The following PIKFYVE variants were observed in gnomAD, a reference collection of about 807,000 sequenced individuals.
PIKFYVE encodes 1-phosphatidylinositol 3-phosphate 5-kinase.
PIKFYVE carries 122 observed loss-of-function variants against 257.9 expected under a neutral mutation model. The ratio of observed to expected loss-of-function variants is 0.47; its 90% CI spans 0.41 to 0.55. PIKFYVE has a LOEUF of 0.55. PIKFYVE is among the 20% of genes least tolerant of loss of function. PIKFYVE has a pLI of 0.00. For synonymous variants in PIKFYVE, 892 were observed against 868.9 expected, an observed-to-expected ratio of 1.03 and a Z score of -0.47; for missense variants, 2,160 against 2,536.6, an observed-to-expected ratio of 0.85 and a Z score of 3.19.
In PIKFYVE at chr2:208,276,595, G is replaced by A. The variant is rs538386371; in HGVS notation, c.323-117G>A. On this transcript the variant is annotated intron_variant, in intron 3 of 41. Transcript: ENST00000264380. ...TTTAACTCTCAATTCATATAACCGG[G>A]TGGGAGAACATAATTATATGCCAAC... The A allele has an allele frequency of 3.8e-5, 30 of 795,176 alleles. No homozygotes were observed. In the East Asian group the frequency reaches 6.9e-4, roughly 18 times the overall value. The allele number at this position is 795,176 out of a possible 1,614,324, so 49.3% of individuals were successfully genotyped here. A position where few individuals can be genotyped will look rare whatever the true frequency, so the allele number is the denominator to read the frequency against.
intron 5 of PIKFYVE, among the ~76,000 whole-genome samples, chr2:208,283,175 T>C (rs1008717075): frequency 6.6e-6 from 1 of 152,146 alleles, no homozygotes; most frequent in Admixed American, 6.5e-5. Context: ...CCTGAATAAA[T>C]ACAAATAACT....
chr2:208,283,137 T>C (rs747607343), intron 5 of PIKFYVE, among the ~76,000 whole-genome samples: 12 of 152,142 alleles, frequency 7.9e-5, no homozygotes, highest in East Asian at 3.8e-4. Flanking sequence ...TGGGGTAATA[T>C]ATGCTAGGCA....
At position 208,356,255 on chromosome 2, in the gene PIKFYVE, A is replaced by G. The variant is rs768371757; in HGVS notation, c.*950A>G. ...TTCACAGAGGTAAAGTGTCTTTTCA[A>G]TATAACCAGCAATTTAGGTGGCATC... is the stretch of plus-strand genomic sequence containing the variant. On this transcript the variant is annotated 3_prime_UTR_variant, in exon 42 of 42. Coordinates refer to ENST00000264380, the MANE Select transcript of PIKFYVE (RefSeq NM_015040.4). The G allele has an allele frequency of 6.6e-6, 1 of 152,256 alleles. No individual in the cohort carries two copies. Among genetic ancestry groups the G allele is most frequent in the Non-Finnish European group, 1.5e-5 (1 of 68,048 alleles). The allele number at this position is 152,256 out of a possible 1,614,324, so 9.4% of individuals were successfully genotyped here. A position where few individuals can be genotyped will look rare whatever the true frequency, so the allele number is the denominator to read the frequency against.
intron 16 of PIKFYVE, among the ~76,000 whole-genome samples, chr2:208,318,917 G>C (rs11692460): frequency 0.93 from 138,612 of 148,994 alleles, 64,986 homozygotes; most frequent in Non-Finnish European, 0.98. Context: ...CGCCACTGCA[G>C]TGCAGTCTGG....
chr2:208,327,597 G>A (rs577389083), intron 20 of PIKFYVE, among the ~76,000 whole-genome samples: 133 of 152,246 alleles, frequency 8.7e-4, no homozygotes, highest in African/African-American at 2.6e-3. Context: ...GTGTGTATGT[G>A]GGACAGGTAT....
rs1286073334 is a variant in PIKFYVE, at chr2:208,356,053, A to G, written c.*748A>G. 6.6e-6 allele frequency: 1 copy of G among 152,396 alleles called. No individual in the cohort carries two copies. Among genetic ancestry groups the G allele is most frequent in the African/African-American group, 2.4e-5 (1 of 41,454 alleles). The allele number at this position is 152,396 out of a possible 1,614,324, so 9.4% of individuals were successfully genotyped here. ...CATATATTAAATTGCACTTACTTGC[A>G]TACGCTCATATTCTAGGGTTTTTTC... On this transcript the variant is annotated 3_prime_UTR_variant, in exon 42 of 42. Coordinates refer to ENST00000264380, the MANE Select transcript of PIKFYVE (RefSeq NM_015040.4).
Position 208,288,875 on chromosome 2 carries a change from TAAG to T in PIKFYVE, c.911+63_911+65del, listed in dbSNP as rs994470372. 28 of 1,594,364 alleles carry T rather than the reference TAAG, an allele frequency of 1.8e-5. No homozygotes were observed. In the African/African-American group the frequency reaches 2.8e-4, roughly 16 times the overall value. On this transcript the variant is annotated intron_variant, in intron 7 of 41. Coordinates refer to ENST00000264380, the MANE Select transcript of PIKFYVE (RefSeq NM_015040.4). ...TGATGTTTATTTCTTTTCATGCTAA[TAAG>T]AAGAACAAACGGATAAAAAGGGTGG...
intron 28 of PIKFYVE, among the ~76,000 whole-genome samples, chr2:208,337,582 TATCG>T (rs1698273044): frequency 6.6e-6 from 1 of 152,120 alleles, no homozygotes; most frequent in African/African-American, 2.4e-5. Flanking sequence ...TCTATCTGTC[TATCG>T]ATCTATCTAT....
chr2:208,302,271 T>C lies in PIKFYVE; in HGVS notation c.1238T>C (p.Met413Thr). 2 of 1,614,118 alleles carry C rather than the reference T, an allele frequency of 1.2e-6. No homozygotes were observed. The highest frequency in any genetic ancestry group is 1.7e-6 in the Non-Finnish European group (2 of 1,179,980). The change falls in exon 10 of 42, where the codon ATG (methionine) becomes ACG (threonine). Residue 413 changes from methionine to threonine, a missense_variant. Physicochemically the swap from Met to Thr is moderately conservative, Grantham distance 81. This residue lies in a region of PIKFYVE where 90 missense variants were observed against 110.6 expected (regional missense o/e 0.81). Coordinates refer to ENST00000264380, the MANE Select transcript of PIKFYVE (RefSeq NM_015040.4). ...RAQAIAIGQA[M>T]VDGRWLDCVS... is the part of the protein sequence containing the mutation. ...CAAGCTATAGCAATTGGACAAGCAA[T>C]GGTTGATGGACGTTGGCTGGATTGT...
At chr2:208,297,504 T>C (rs553703377) in intron 7 of PIKFYVE, among the ~76,000 whole-genome samples, 33 of 152,306 alleles carry the variant, frequency 2.2e-4, no homozygotes, top group Admixed American at 6.5e-5. Context: ...TGGGGAAATA[T>C]TGGTTTTTCA....
rs1016317512 is a variant in PIKFYVE, at chr2:208,356,370, A to C, written c.*1065A>C. Reference sequence around the variant, plus strand: ...TGACTACTAAGAAATGTTAAGAAATAGGCCAAGTGCGGTGGCTCACGCCTA... The same window carrying C: ...TGACTACTAAGAAATGTTAAGAAATCGGCCAAGTGCGGTGGCTCACGCCTA... On this transcript the variant is annotated 3_prime_UTR_variant, in exon 42 of 42. Coordinates refer to ENST00000264380, the MANE Select transcript of PIKFYVE (RefSeq NM_015040.4). The C allele has an allele frequency of 6.6e-6, 1 of 152,252 alleles. No homozygotes were observed. The highest frequency in any genetic ancestry group is 6.5e-5 in the Admixed American group (1 of 15,280). The allele number at this position is 152,252 out of a possible 1,614,324, so 9.4% of individuals were successfully genotyped here. A position where few individuals can be genotyped will look rare whatever the true frequency, so the allele number is the denominator to read the frequency against.
intron 10 of PIKFYVE, among the ~76,000 whole-genome samples, chr2:208,302,770 CTA>C (rs1349951443): frequency 6.6e-6 from 1 of 152,036 alleles, no homozygotes; most frequent in Non-Finnish European, 1.5e-5. Context: ...CATTTTGACT[CTA>C]GAACTATTGT....
chr2:208,357,310 CCTGT>C lies in PIKFYVE; in HGVS notation c.*2010_*2013del, dbSNP rs1700214578. 6.6e-6 allele frequency: 1 copy of C among 152,144 alleles called. No homozygotes were observed. Among genetic ancestry groups the C allele is most frequent in the African/African-American group, 2.4e-5 (1 of 41,424 alleles). 9.4% of individuals were successfully genotyped at this position (152,144 alleles called of 1,614,324 possible). A position where few individuals can be genotyped will look rare whatever the true frequency, so the allele number is the denominator to read the frequency against. ...TGTGAGGATACTTAAGGTTATTATT[CCTGT>C]CTGTTTCCTGTACTCCCCTAGTCAT... On this transcript the variant is annotated 3_prime_UTR_variant, in exon 42 of 42. Coordinates refer to ENST00000264380, the MANE Select transcript of PIKFYVE (RefSeq NM_015040.4).
chr2:208,328,187 G>T lies in PIKFYVE; in HGVS notation c.3626G>T (p.Cys1209Phe). The change falls in exon 21 of 42, where the codon TGT becomes TTT. Residue 1209 changes from cysteine to phenylalanine, a missense_variant. Cys to Phe is a radical substitution (Grantham distance 205). Transcript: ENST00000264380. The stretch of plus-strand genomic sequence containing the variant: ...TCATTCCTTCTATTTCAGGTGGACT[G>T]TCTGAATCCCATTAATCACCAGAGA... ...SDAVWSTKVD[C>F]LNPINHQRLC... 6.2e-7 allele frequency: 1 copy of T among 1,613,802 alleles called. No individual in the cohort carries two copies. Among genetic ancestry groups the T allele is most frequent in the Non-Finnish European group, 8.5e-7 (1 of 1,179,822 alleles).
At chr2:208,351,589 T>G (rs1312206072) in intron 38 of PIKFYVE, 134 bp downstream of exon 38, 1 of 842,246 alleles carries the variant, frequency 1.2e-6, no homozygotes, top group African/African-American at 1.7e-5. Context: ...AAAAGAGGTT[T>G]ATTTGGCTCA....
In PIKFYVE at chr2:208,304,274, G is replaced by A; in HGVS notation, c.1424G>A (p.Ser475Asn). 3 of 1,614,192 alleles carry A rather than the reference G, an allele frequency of 1.9e-6. No individual in the cohort carries two copies. Among genetic ancestry groups the A allele is most frequent in the East Asian group, 2.2e-5 (1 of 44,876 alleles). The part of the protein sequence containing the change: ...SWFKDIKFDD[S>N]DTEQIAEEGD... The stretch of plus-strand genomic sequence containing the variant: ...TTTAAAGACATAAAGTTTGATGACA[G>A]TGACACAGAACAGATAGCTGAAGAA... The change falls in exon 11 of 42, where the codon AGT (serine) becomes AAT (asparagine). Residue 475 changes from serine (S) to asparagine (N), a missense_variant. Transcript: ENST00000264380.
In PIKFYVE at chr2:208,301,107, TAGA is replaced by T; in HGVS notation, c.1208+16_1208+18del. On this transcript the variant is annotated intron_variant, in intron 9 of 41. Coordinates refer to ENST00000264380, the MANE Select transcript of PIKFYVE (RefSeq NM_015040.4). ...ATATTGCCACAAGGTATTCTGATCT[TAGA>T]AGGTTTCAATATTATTTGTTTATTT... The T allele has an allele frequency of 1.9e-6, 3 of 1,613,246 alleles. No homozygotes were observed. The highest frequency in any genetic ancestry group is 2.5e-6 in the Non-Finnish European group (3 of 1,179,188).
At chr2:208,317,500 T>G (rs1171903517) in intron 15 of PIKFYVE, among the ~76,000 whole-genome samples, 1 of 152,070 alleles carries the variant, frequency 6.6e-6, no homozygotes, top group African/African-American at 2.4e-5. Flanking sequence ...CTTCTTCCAG[T>G]GAGGCCCAGG....
In PIKFYVE at chr2:208,326,419, G is replaced by T. The variant is rs773189667; in HGVS notation, c.3608G>T (p.Trp1203Leu). The T allele has an allele frequency of 3.1e-6, 5 of 1,613,966 alleles. No homozygotes were observed. Among genetic ancestry groups the T allele is most frequent in the Non-Finnish European group, 3.4e-6 (4 of 1,179,924 alleles). ...GGGCTTATTCTGAGTGATGCTGTGT[G>T]GTCAACAAAGGTGAGCCAGACCACT... ...ERGLILSDAVWSTKVDCLNPI... is the reference protein window; with the variant it reads ...ERGLILSDAVLSTKVDCLNPI... The change falls in exon 20 of 42, where the codon TGG becomes TTG. Residue 1203 changes from tryptophan (W) to leucine (L), a missense_variant. Around this residue, in one of 12 missense-constraint regions of PIKFYVE, gnomAD observed 522 missense variants for 514.6 expected, o/e 1.01. Coordinates refer to ENST00000264380, the MANE Select transcript of PIKFYVE (RefSeq NM_015040.4).
Sources: allele counts gnomAD v4.1 joint callset (sites outside exome capture counted in the v4.1 genomes callset), GRCh38; gene constraint gnomAD v4.1.1; regional missense constraint gnomAD v4.1.1; transcripts MANE v1.5; gene names NCBI Gene and HGNC (gene_info 2026-07-23, HGNC 2026-07-21).